The following NOLC1 variants were observed in gnomAD, a reference collection of about 807,000 sequenced individuals.
NOLC1 encodes 140 kDa nucleolar phosphoprotein.
Under a neutral mutation model 73.4 loss-of-function variants are expected in NOLC1, and 37 were observed. The observed-to-expected ratio is 0.50, with a 90% CI of 0.39 to 0.66. The LOEUF (loss-of-function observed/expected upper bound fraction) is 0.66, where lower values mean the gene tolerates loss of function less well. Ranked by LOEUF, NOLC1 falls within the 30% of genes least tolerant of loss-of-function variation. The probability of loss-of-function intolerance (pLI) is 0.00; values close to 1 mark genes in which losing one functional copy is unlikely to be tolerated. For missense variants in NOLC1, 921 were observed against 838.9 expected (o/e 1.10, Z -1.21); for synonymous variants, 327 against 302.6 (o/e 1.08, Z -0.84).
rs151088360 is a variant in NOLC1 at position 102,160,234 on chromosome 10, T to A, written c.990T>A (p.Asp330Glu). 3 of 1,613,116 alleles carry A rather than the reference T, an allele frequency of 1.9e-6. No individual in the cohort carries two copies. The highest frequency in any genetic ancestry group is 2.7e-5 in the African/African-American group (2 of 74,886). The change falls in exon 9 of 13, where the codon GAT becomes GAA. Residue 330 changes from aspartate to glutamate, a missense_variant and splice_region_variant. Asp to Glu is a conservative substitution (Grantham distance 45, BLOSUM62 2). Transcript: ENST00000605788. Reference protein sequence around the residue: ...ESSEDSSDESDSSSEEEKKPP... With the variant: ...ESSEDSSDESESSSEEEKKPP... The stretch of plus-strand genomic sequence containing the variant: ...CATAATGCTACAGGTTCTCCTCAGA[T>A]TCAAGTTCTGAAGAAGAGAAGAAAC...
chr10:102,153,600 G>C (rs560554951), intron 1 of NOLC1, among the ~76,000 whole-genome samples: 2 of 151,712 alleles, frequency 1.3e-5, no homozygotes, highest in East Asian at 3.9e-4. Context: ...GTTTAGAGTT[G>C]ACTGTTAAGG....
Position 102,157,414 on chromosome 10 carries a change from C to CAAA in NOLC1, c.317-17_317-16insAAA. The CAAA allele has an allele frequency of 6.2e-7, 1 of 1,613,912 alleles. No individual in the cohort carries two copies. Among genetic ancestry groups the CAAA allele is most frequent in the Non-Finnish European group, 8.5e-7 (1 of 1,179,916 alleles). On this transcript the variant is annotated splice_polypyrimidine_tract_variant and intron_variant, in intron 3 of 12. Coordinates refer to ENST00000605788, the MANE Select transcript of NOLC1 (RefSeq NM_004741.5). ...TTCACATGGCTGATTCTTACTGGGA[C>CAAA]CTGTGTGTTTGTTCAGCTGTACCTG...
chr10:102,158,419 G>GA (rs1475830099), intron 5 of NOLC1, among the ~76,000 whole-genome samples: 1 of 152,154 alleles, frequency 6.6e-6, no homozygotes, highest in Non-Finnish European at 1.5e-5. Flanking sequence ...ATTGCAGCAA[G>GA]AAAAAATGTG....
Position 102,160,311 on chromosome 10 carries a change from A to C in NOLC1, c.1067A>C (p.Lys356Thr). ...SKATTKPPPA[K>T]KAAESSSDSS... ...GCAACCACTAAACCACCTCCAGCAA[A>C]GAAAGCAGCAGAGAGCTCTTCAGAC... Residue 356 changes from lysine (K) to threonine (T), a missense_variant, in exon 9 of 13, where the codon AAG becomes ACG. Coordinates refer to ENST00000605788, the MANE Select transcript of NOLC1 (RefSeq NM_004741.5). The C allele has an allele frequency of 6.2e-7, 1 of 1,614,232 alleles. No homozygotes were observed. The highest frequency in any genetic ancestry group is 8.5e-7 in the Non-Finnish European group (1 of 1,180,034).
At chr10:102,157,972 A>C in intron 4 of NOLC1, 77 bp from the exon 5 acceptor site, 1 of 1,377,254 alleles carries the variant, frequency 7.3e-7, no homozygotes, top group East Asian at 2.3e-5. Flanking sequence ...AGGCCCCTAA[A>C]AATAAAAGGA....
At position 102,163,676 on chromosome 10, in the gene NOLC1, G is replaced by A. The variant is rs1054736912; in HGVS notation, c.*1407G>A. On this transcript the variant is annotated 3_prime_UTR_variant, in exon 13 of 13. Transcript: ENST00000605788. Reference sequence around the variant, plus strand: ...AAGTGTGCCCCAAGCCTTCATGGACGAGTTATAGGTCTTAAGATTAGTCTC... The same window carrying A: ...AAGTGTGCCCCAAGCCTTCATGGACAAGTTATAGGTCTTAAGATTAGTCTC... The A allele has an allele frequency of 1.3e-5, 2 of 152,154 alleles. No individual in the cohort carries two copies. Among genetic ancestry groups the A allele is most frequent in the Admixed American group, 6.5e-5 (1 of 15,268 alleles). 9.4% of individuals were successfully genotyped at this position (152,154 alleles called of 1,614,324 possible).
chr10:102,156,370 C>A (rs1259713298), intron 1 of NOLC1, among the ~76,000 whole-genome samples: 1 of 151,580 alleles, frequency 6.6e-6, no homozygotes, highest in Non-Finnish European at 1.5e-5. Context: ...TCTCAGCTTC[C>A]CAAAGTGCTG....
rs1418223701 is a variant in NOLC1 at position 102,163,702 on chromosome 10, C to T, written c.*1433C>T. 6.6e-6 allele frequency: 1 copy of T among 152,178 alleles called. No individual in the cohort carries two copies. Among genetic ancestry groups the T allele is most frequent in the Non-Finnish European group, 1.5e-5 (1 of 68,034 alleles). The allele number at this position is 152,178 out of a possible 1,614,324, so 9.4% of individuals were successfully genotyped here. On this transcript the variant is annotated 3_prime_UTR_variant, in exon 13 of 13. Coordinates refer to ENST00000605788, the MANE Select transcript of NOLC1 (RefSeq NM_004741.5). ...AGTTATAGGTCTTAAGATTAGTCTC[C>T]TCTTGTTTGGATTCCATACTTGCTA...
chr10:102,161,890 G>T lies in NOLC1; in HGVS notation c.1906G>T (p.Asp636Tyr). The part of the protein sequence containing the change: ...RRVREEEIEV[D>Y]SRVADNSFDA... The stretch of plus-strand genomic sequence containing the variant: ...GGTCAGGGAGGAGGAAATTGAGGTG[G>T]ATTCACGAGTTGCGGACAACTCCTT... Residue 636 changes from aspartate to tyrosine, a missense_variant, in exon 12 of 13, where the codon GAT (aspartate) becomes TAT (tyrosine). By Grantham distance (160) the Asp-to-Tyr change is radical. Coordinates refer to ENST00000605788, the MANE Select transcript of NOLC1 (RefSeq NM_004741.5). The T allele has an allele frequency of 6.2e-7, 1 of 1,614,180 alleles. No individual in the cohort carries two copies. Among genetic ancestry groups the T allele is most frequent in the Non-Finnish European group, 8.5e-7 (1 of 1,180,030 alleles).
Position 102,157,273 on chromosome 10 carries a change from T to G in NOLC1, c.261T>G (p.Ser87Arg). ...AGAAGAAGGCCTCATCCAGTGACAG[T>G]GAGGACAGCAGCGAGGAGGAGGAGG... ...KAKKKASSSD[S>R]EDSSEEEEEV... The change falls in exon 3 of 13, where the codon AGT becomes AGG. Residue 87 changes from serine (S) to arginine (R), a missense_variant. Coordinates refer to ENST00000605788, the MANE Select transcript of NOLC1 (RefSeq NM_004741.5). 4 of 1,614,004 alleles carry G rather than the reference T, an allele frequency of 2.5e-6. No homozygotes were observed. In the South Asian group the frequency reaches 4.4e-5, roughly 18 times the overall value.
In NOLC1 at chr10:102,152,397, G is replaced by GTA; in HGVS notation, c.-12_-11dup. The GTA allele has an allele frequency of 6.2e-7, 1 of 1,607,820 alleles. No individual in the cohort carries two copies. Among genetic ancestry groups the GTA allele is most frequent in the Non-Finnish European group, 8.5e-7 (1 of 1,180,004 alleles). ...GCTGCGTCGACAACGGTAGTGACGCGTATTGCCTGGAGGATGGCGGACGCC... is the reference window on the plus strand; with the variant it reads ...GCTGCGTCGACAACGGTAGTGACGCGTATATTGCCTGGAGGATGGCGGACGCC... On this transcript the variant is annotated 5_prime_UTR_variant, in exon 1 of 13. Coordinates refer to ENST00000605788, the MANE Select transcript of NOLC1 (RefSeq NM_004741.5).
intron 10 of NOLC1, 99 bp from the exon 11 acceptor site, chr10:102,161,457 C>T: frequency 3.6e-6 from 3 of 831,664 alleles, no homozygotes; most frequent in Non-Finnish European, 2.0e-6. Flanking sequence ...ATCTGAATTT[C>T]CTGGGCTCAA....
chr10:102,156,577 A>G (rs1457571441), intron 1 of NOLC1, among the ~76,000 whole-genome samples: 2 of 151,980 alleles, frequency 1.3e-5, no homozygotes, highest in African/African-American at 4.8e-5. Context: ...AGCTGGGACT[A>G]CAGACATCTG....
Position 102,157,519 on chromosome 10 carries a change from T to C in NOLC1, c.405T>C (p.Asp135=). The change falls in exon 4 of 13, where the codon GAT becomes GAC. Residue 135 remains aspartate, a synonymous_variant. Transcript: ENST00000605788. Reference sequence around the variant, plus strand: ...GCAGCAGTGAAGAGTCCAGTGATGATGATGATGAGGAGGACCAAAAGAAAC... The same window carrying C: ...GCAGCAGTGAAGAGTCCAGTGATGACGATGATGAGGAGGACCAAAAGAAAC... The part of the protein sequence containing the change: ...ESSSSEESSD[D]DDEEDQKKQP... 1 of 1,614,094 alleles carries C rather than the reference T, an allele frequency of 6.2e-7. No individual in the cohort carries two copies. Among genetic ancestry groups the C allele is most frequent in the Middle Eastern group, 1.6e-4 (1 of 6,062 alleles).
chr10:102,157,756 T>C (rs189865722), intron 4 of NOLC1, among the ~76,000 whole-genome samples: 1 of 152,240 alleles, frequency 6.6e-6, no homozygotes, highest in African/African-American at 2.4e-5. Context: ...GCTCCGAATC[T>C]AGAGGAAATT....
chr10:102,161,965 G>A, intron 12 of NOLC1, 40 bp downstream of exon 12: 1 of 1,605,288 alleles, frequency 6.2e-7, no homozygotes, highest in Non-Finnish European at 8.5e-7. Context: ...AGGGAGGATG[G>A]GTAGTGTCAG....
At chr10:102,153,944 A>G (rs1456929439) in intron 1 of NOLC1, among the ~76,000 whole-genome samples, 2 of 151,800 alleles carry the variant, frequency 1.3e-5, no homozygotes, top group East Asian at 3.9e-4. Flanking sequence ...AAGTGCTGGG[A>G]TTACAGGCGC....
chr10:102,155,110 C>A (rs958892578), intron 1 of NOLC1, among the ~76,000 whole-genome samples: 3 of 151,198 alleles, frequency 2.0e-5, no homozygotes, highest in African/African-American at 7.3e-5. Flanking sequence ...ACAACCTCCA[C>A]CTCCTGGGTT....
At chr10:102,158,800 TTGG>T (rs1271415878) in intron 5 of NOLC1, among the ~76,000 whole-genome samples, 1 of 151,982 alleles carries the variant, frequency 6.6e-6, no homozygotes, top group Non-Finnish European at 1.5e-5. Flanking sequence ...GTTGAAAGAA[TTGG>T]TGGACTCCTG....
Sources: gnomAD v4.1 joint callset for allele counts (sites outside exome capture counted in the v4.1 genomes callset) on GRCh38, gnomAD v4.1.1 for gene constraint, MANE v1.5 for transcripts, NCBI Gene and HGNC (gene_info 2026-07-23, HGNC 2026-07-21) for gene names.